Variants in LPP observed in about 807,000 individuals in gnomAD.
The protein encoded by LPP is LIM domain containing preferred translocation partner in lipoma.
LPP carries 38 observed loss-of-function variants against 60.4 expected under a neutral mutation model. The ratio of observed to expected loss-of-function variants is 0.63; its 90% CI spans 0.49 to 0.83. The LOEUF (loss-of-function observed/expected upper bound fraction) is 0.83, where lower values mean the gene tolerates loss of function less well. Among genes scored for constraint, LPP ranks in the 40% least tolerant of loss-of-function variants. The pLI is 0.00. For synonymous variants in LPP, 328 were observed against 290.8 expected (o/e 1.13, Z -1.30); for missense variants, 902 against 783.6 (o/e 1.15, Z -1.80).
intron 7 of LPP, among the ~76,000 whole-genome samples, chr3:188,676,552 G>A (rs1466476653): frequency 6.6e-6 from 1 of 152,140 alleles, no homozygotes; most frequent in Non-Finnish European, 1.5e-5. Flanking sequence ...CTTTGTACTT[G>A]AAAAAGGTAA....
At chr3:188,207,232 CTT>C (rs1255518977) in intron 1 of LPP, among the ~76,000 whole-genome samples, 1 of 109,634 alleles carries the variant, frequency 9.1e-6, no homozygotes. Context: ...TTTTTCTTTT[CTT>C]TTTTTTTTTT....
At chr3:188,398,244 A>C (rs967741929) in intron 3 of LPP, among the ~76,000 whole-genome samples, 3 of 152,192 alleles carry the variant, frequency 2.0e-5, no homozygotes, top group Non-Finnish European at 4.4e-5. Flanking sequence ...CATGAGAGTT[A>C]GAGGGAATGG....
chr3:188,452,850 T>G (rs192406359), intron 4 of LPP, among the ~76,000 whole-genome samples: 270 of 152,324 alleles, frequency 1.8e-3, no homozygotes, highest in Non-Finnish European at 3.4e-3. Context: ...CTCTGTTTTG[T>G]CATATTGTAT....
At chr3:188,165,928 A>G (rs916939456) in intron 1 of LPP, among the ~76,000 whole-genome samples, 1 of 152,208 alleles carries the variant, frequency 6.6e-6, no homozygotes, top group African/African-American at 2.4e-5. Flanking sequence ...GTGACGGAAC[A>G]TACGGCTTTT....
intron 9 of LPP, among the ~76,000 whole-genome samples, chr3:188,781,859 T>C (rs1312642907): frequency 2.1e-5 from 3 of 142,344 alleles, no homozygotes; most frequent in African/African-American, 8.0e-5. Context: ...GCCACTGCAC[T>C]CCAGCCTGGG....
At position 188,799,108 on chromosome 3, in the gene LPP, A is replaced by G. The variant is rs1214743565; in HGVS notation, c.1410+38826A>G. Among the ~76,000 whole-genome samples, 3 of 152,256 alleles carry G rather than the reference A, an allele frequency of 2.0e-5. No homozygotes were observed. The South Asian group carries it at 6.2e-4, about 31-fold the overall frequency. Reference sequence around the variant, plus strand: ...ACTGCCTTTTATCATGTTCTCATTCAGCCTGCTGGAGCAAGAACATTCCAA... The same window carrying G: ...ACTGCCTTTTATCATGTTCTCATTCGGCCTGCTGGAGCAAGAACATTCCAA... On this transcript the variant is annotated intron_variant, in intron 9 of 11. Coordinates refer to ENST00000617246, the MANE Select transcript of LPP (RefSeq NM_001375462.1).
At chr3:188,624,336 C>A (rs960282462) in intron 7 of LPP, among the ~76,000 whole-genome samples, 4 of 152,204 alleles carry the variant, frequency 2.6e-5, no homozygotes, top group Non-Finnish European at 5.9e-5. Context: ...CCATTTATAT[C>A]TGGAGTTTAG....
chr3:188,809,214 G>T (rs1750115951), intron 9 of LPP, among the ~76,000 whole-genome samples: 1 of 152,068 alleles, frequency 6.6e-6, no homozygotes, highest in Non-Finnish European at 1.5e-5. Flanking sequence ...TGAGATTATT[G>T]GATCAAATGG....
At chr3:188,641,006 G>A (rs559112786) in intron 7 of LPP, among the ~76,000 whole-genome samples, 2 of 152,330 alleles carry the variant, frequency 1.3e-5, no homozygotes, top group Admixed American at 6.5e-5. Context: ...TATTCTAAAC[G>A]AGAATCTGAG....
intron 4 of LPP, among the ~76,000 whole-genome samples, chr3:188,478,750 GT>G (rs908434437): frequency 6.6e-6 from 1 of 151,716 alleles, no homozygotes; most frequent in African/African-American, 2.4e-5. Context: ...ATAGTTTTTT[GT>G]TTTTTTGTTT....
chr3:188,448,450 A>G (rs866533075), intron 4 of LPP, among the ~76,000 whole-genome samples: 38 of 151,950 alleles, frequency 2.5e-4, no homozygotes, highest in South Asian at 8.3e-4. Flanking sequence ...TTAGATATCT[A>G]TATTTAGATA....
chr3:188,615,552 A>G (rs750881486), intron 7 of LPP, among the ~76,000 whole-genome samples: 1 of 152,212 alleles, frequency 6.6e-6, no homozygotes, highest in Non-Finnish European at 1.5e-5. Flanking sequence ...TGTATGTAGT[A>G]ACTATATGCT....
chr3:188,624,912 T>TCCTC (rs1846543454), intron 7 of LPP, among the ~76,000 whole-genome samples: 1 of 151,736 alleles, frequency 6.6e-6, no homozygotes, highest in African/African-American at 2.4e-5. Flanking sequence ...CTTCCTTCTT[T>TCCTC]CCTCCCTTCC....
rs147533911 is a variant in LPP at position 188,834,073 on chromosome 3, G to A, written c.1411-32127G>A. Among the ~76,000 whole-genome samples, 865 of 152,162 alleles carry A rather than the reference G, an allele frequency of 5.7e-3. 6 individuals are homozygous for A. Among genetic ancestry groups the A allele is most frequent in the Non-Finnish European group, 0.011 (720 of 67,994 alleles). ...AGTTTCCTTTTAAAAACTTAGATTAGGAAATTTTCAGTCAGCCAGCCAACT... is the reference window on the plus strand; with the variant it reads ...AGTTTCCTTTTAAAAACTTAGATTAAGAAATTTTCAGTCAGCCAGCCAACT... On this transcript the variant is annotated intron_variant, in intron 9 of 11. Transcript: ENST00000617246.
chr3:188,522,815 A>ATATATATATGTG (rs796830660), intron 5 of LPP, among the ~76,000 whole-genome samples: 4 of 136,522 alleles, frequency 2.9e-5, no homozygotes, highest in Non-Finnish European at 1.6e-5. Context: ...ATATATATAT[A>ATATATATATGTG]TGTGTATGTG....
intron 9 of LPP, among the ~76,000 whole-genome samples, chr3:188,785,432 TTCCATC>T (rs1577535350): frequency 1.5e-4 from 3 of 20,206 alleles, no homozygotes; most frequent in Admixed American, 8.1e-4. Context: ...CATATATATA[TTCCATC>T]ATATATATAT....
rs1213501654 is a variant in LPP at position 188,878,084 on chromosome 3, A to G, written c.*3605A>G. The G allele has an allele frequency of 9.1e-6, 2 of 220,700 alleles. No homozygotes were observed. The highest frequency in any genetic ancestry group is 4.5e-5 in the African/African-American group (2 of 44,748). 13.7% of individuals were successfully genotyped at this position (220,700 alleles called of 1,614,324 possible). A position where few individuals can be genotyped will look rare whatever the true frequency, so the allele number is the denominator to read the frequency against. The stretch of plus-strand genomic sequence containing the variant: ...GAGAGGGCTTTTTCCATGGGGCTAT[A>G]GTAGAGAGTTAGTGGAATATAGACA... On this transcript the variant is annotated 3_prime_UTR_variant, in exon 12 of 12. Coordinates refer to ENST00000617246, the MANE Select transcript of LPP (RefSeq NM_001375462.1).
chr3:188,532,788 G>T (rs1283803523), intron 6 of LPP, among the ~76,000 whole-genome samples: 2 of 152,190 alleles, frequency 1.3e-5, no homozygotes, highest in Non-Finnish European at 2.9e-5. Flanking sequence ...ATGGCTCAAA[G>T]CAACAGCTCA....
intron 2 of LPP, among the ~76,000 whole-genome samples, chr3:188,309,100 A>G (rs562668466): frequency 7.0e-6 from 1 of 142,460 alleles, no homozygotes. Flanking sequence ...CTGCTCCTGC[A>G]TCCTCTGCCT....
Sources: allele counts gnomAD v4.1 joint callset (sites outside exome capture counted in the v4.1 genomes callset), GRCh38; gene constraint gnomAD v4.1.1; transcripts MANE v1.5; gene names NCBI Gene and HGNC (gene_info 2026-07-23, HGNC 2026-07-21).